Variants in KICS2 observed in about 807,000 individuals in gnomAD.
The protein encoded by KICS2 is KICSTOR subunit 2, also known as KICSTOR complex protein C12orf66.
A neutral mutation model predicts 31.4 loss-of-function variants in KICS2; 13 were observed. That is an observed-to-expected ratio of 0.41 (90% CI 0.27 to 0.66). KICS2 has a LOEUF of 0.66. Ranked by LOEUF, KICS2 falls within the 30% of genes least tolerant of loss-of-function variation. The pLI is 0.28. For synonymous variants in KICS2, 209 were observed against 214.8 expected (o/e 0.97, Z 0.24); for missense variants, 455 against 545.4 (o/e 0.83, Z 1.65).
chr12:64,203,691 G>T (rs1041659418), intron 2 of KICS2, among the ~76,000 whole-genome samples: 3 of 151,826 alleles, frequency 2.0e-5, no homozygotes, highest in African/African-American at 7.3e-5. Flanking sequence ...AGTGTATCTA[G>T]AATTTTTAAA....
chr12:64,213,163 C>T (rs2037599482), intron 2 of KICS2, among the ~76,000 whole-genome samples: 1 of 151,666 alleles, frequency 6.6e-6, no homozygotes, highest in South Asian at 2.1e-4. Context: ...CCATCTTATG[C>T]TCAGAAAGAC....
rs560644868 is a variant in KICS2 at position 64,207,359 on chromosome 12, T to TA, written c.521+8318dup. Among the ~76,000 whole-genome samples, 902 of 150,556 alleles carry TA rather than the reference T, an allele frequency of 6.0e-3. 14 individuals carry two copies. Among genetic ancestry groups the TA allele is most frequent in the African/African-American group, 0.02 (838 of 40,972 alleles). On this transcript the variant is annotated intron_variant, in intron 2 of 2. Coordinates refer to ENST00000398055, the MANE Select transcript of KICS2 (RefSeq NM_152440.5). ...AAATTTGATATTATGTATTTTTTTT[T>TA]AACAAAATAAAAAAGCAGGGGGAAA...
In KICS2 at chr12:64,194,141, G is replaced by T; in HGVS notation, c.1039C>A (p.Pro347Thr). ...REAPKGVDQYPAVVSLPSDRP... is the reference protein window; with the variant it reads ...REAPKGVDQYTAVVSLPSDRP... ...TCGCTGGGCAGAGACACTACAGCTG[G>T]ATACTGGTCCACACCCTTGGGGGCC... is the stretch of plus-strand genomic sequence containing the variant. The change falls in exon 3 of 3, where the codon CCA becomes ACA. Residue 347 changes from proline (P) to threonine (T), a missense_variant. Pro to Thr is a conservative substitution (Grantham distance 38, BLOSUM62 -1). Transcript: ENST00000398055. 1.2e-6 allele frequency: 2 copies of T among 1,614,142 alleles called. No individual in the cohort carries two copies. Among genetic ancestry groups the T allele is most frequent in the Non-Finnish European group, 1.7e-6 (2 of 1,180,036 alleles).
intron 2 of KICS2, among the ~76,000 whole-genome samples, chr12:64,205,604 G>GGGAAAAGGGAAGGAAGGAA (rs1555181662): frequency 7.8e-6 from 1 of 128,512 alleles, no homozygotes. Flanking sequence ...AAGGAAAGGA[G>GGGAAAAGGGAAGGAAGGAA]GGAAAAAGGG....
intron 2 of KICS2, among the ~76,000 whole-genome samples, chr12:64,194,935 CA>C (rs1185021739): frequency 3.5e-5 from 2 of 57,062 alleles, no homozygotes; most frequent in East Asian, 2.2e-3. Flanking sequence ...AGCTACAATT[CA>C]TTTTTTTTTT....
chr12:64,213,049 C>T (rs2037597022), intron 2 of KICS2, among the ~76,000 whole-genome samples: 1 of 146,568 alleles, frequency 6.8e-6, no homozygotes, highest in Non-Finnish European at 1.5e-5. Context: ...GAGATCATGT[C>T]ACTGCACTCC....
chr12:64,211,208 A>G (rs1402898627), intron 2 of KICS2, among the ~76,000 whole-genome samples: 1 of 152,230 alleles, frequency 6.6e-6, no homozygotes, highest in African/African-American at 2.4e-5. Context: ...AAACATATTA[A>G]TCAGATTGGA....
chr12:64,194,027 A>T lies in KICS2; in HGVS notation c.1153T>A (p.Tyr385Asn). ...LNSLEKVVHF[Y>N]DDKVQSTYFL... ...TAGGTACTCTGAACTTTGTCATCAT[A>T]GAAGTGGACCACTTTCTCCAAGCTG... Residue 385 changes from tyrosine (Y) to asparagine (N), a missense_variant, in exon 3 of 3, where the codon TAT becomes AAT. Physicochemically the swap from Tyr to Asn is moderately radical, Grantham distance 143 (BLOSUM62 -2). Coordinates refer to ENST00000398055, the MANE Select transcript of KICS2 (RefSeq NM_152440.5). The T allele has an allele frequency of 6.2e-7, 1 of 1,614,222 alleles. No individual in the cohort carries two copies. The highest frequency in any genetic ancestry group is 8.5e-7 in the Non-Finnish European group (1 of 1,180,052).
intron 2 of KICS2, among the ~76,000 whole-genome samples, chr12:64,214,339 G>A (rs191211301): frequency 6.6e-5 from 10 of 152,280 alleles, no homozygotes; most frequent in African/African-American, 2.4e-4. Flanking sequence ...AACTTCAGAT[G>A]GCAATAAATC....
rs756551300 is a variant in KICS2, at chr12:64,222,275, C to T, written c.-38G>A. 8 of 1,603,700 alleles carry T rather than the reference C, an allele frequency of 5.0e-6. No homozygotes were observed. In the South Asian group the frequency reaches 5.6e-5, roughly 11 times the overall value. On this transcript the variant is annotated 5_prime_UTR_variant, in exon 1 of 3. Coordinates refer to ENST00000398055, the MANE Select transcript of KICS2 (RefSeq NM_152440.5). ...CCAGCTCGACCCACGTGGCTCTCCTCGGCCTCGCACTTCCGGGTTCTGAGG... is the reference window on the plus strand; with the variant it reads ...CCAGCTCGACCCACGTGGCTCTCCTTGGCCTCGCACTTCCGGGTTCTGAGG...
At chr12:64,188,207 G>A (rs2647911), downstream of KICS2, among the ~76,000 whole-genome samples, 97,483 of 152,154 alleles carry the variant, frequency 0.64, 31,504 homozygotes, top group African/African-American at 0.72. Flanking sequence ...CAGAAGCTAT[G>A]AGAAAGAAAT....
chr12:64,193,831 C>T lies in KICS2; in HGVS notation c.*11G>A, dbSNP rs1228626655. On this transcript the variant is annotated 3_prime_UTR_variant, in exon 3 of 3. Coordinates refer to ENST00000398055, the MANE Select transcript of KICS2 (RefSeq NM_152440.5). ...TTTCTAGTCTTGAAACCCCTCCACG[C>T]AAATCACCTGCTAACCTTTGGCTCC... 1 of 1,605,528 alleles carries T rather than the reference C, an allele frequency of 6.2e-7. No homozygotes were observed. The highest frequency in any genetic ancestry group is 2.2e-5 in the East Asian group (1 of 44,810).
At chr12:64,211,096 A>G (rs1267688341) in intron 2 of KICS2, among the ~76,000 whole-genome samples, 1 of 152,174 alleles carries the variant, frequency 6.6e-6, no homozygotes, top group Non-Finnish European at 1.5e-5. Context: ...CCACTTTTAC[A>G]TTAGTGTTTG....
chr12:64,193,695 A>G lies in KICS2; in HGVS notation c.*147T>C. The G allele has an allele frequency of 7.0e-7, 1 of 1,438,500 alleles. No individual in the cohort carries two copies. The allele number at this position is 1,438,500 out of a possible 1,614,324, so 89.1% of individuals were successfully genotyped here. A position where few individuals can be genotyped will look rare whatever the true frequency, so the allele number is the denominator to read the frequency against. On this transcript the variant is annotated 3_prime_UTR_variant, in exon 3 of 3. Coordinates refer to ENST00000398055, the MANE Select transcript of KICS2 (RefSeq NM_152440.5). ...AATTCAATTGGCCTTAATTGCTTAT[A>G]AAGTGTGCAACACAGGGAGGATTTG...
chr12:64,197,023 T>G, intron 2 of KICS2, among the ~76,000 whole-genome samples: 1 of 116,896 alleles, frequency 8.6e-6, no homozygotes, highest in African/African-American at 3.4e-5. Context: ...TGGAAAACAC[T>G]CTGCAGGATA....
chr12:64,215,922 T>C lies in KICS2; in HGVS notation c.277A>G (p.Ile93Val), dbSNP rs1277961501. ...FFSRKDSIRT[I>V]YTSLHNELKK... is the part of the protein sequence containing the mutation. ...AGCTCATTATGCAATGAAGTATAGA[T>C]GGTGCGGATGGAATCCTTCCTGCTG... is the stretch of plus-strand genomic sequence containing the variant. Residue 93 changes from isoleucine to valine, a missense_variant, in exon 2 of 3, where the codon ATC becomes GTC. Ile to Val is a conservative substitution (Grantham distance 29, BLOSUM62 3). Coordinates refer to ENST00000398055, the MANE Select transcript of KICS2 (RefSeq NM_152440.5). 5 of 1,613,690 alleles carry C rather than the reference T, an allele frequency of 3.1e-6. No individual in the cohort carries two copies. Among genetic ancestry groups the C allele is most frequent in the Non-Finnish European group, 4.2e-6 (5 of 1,179,808 alleles).
intron 2 of KICS2, among the ~76,000 whole-genome samples, chr12:64,201,605 T>TAAA (rs531373424): frequency 2.1e-4 from 24 of 115,644 alleles, no homozygotes; most frequent in African/African-American, 5.0e-4. Flanking sequence ...TAAAGTATAA[T>TAAA]AAAAAAAAAA....
intron 1 of KICS2, among the ~76,000 whole-genome samples, chr12:64,218,277 A>G (rs1260016879): frequency 6.6e-6 from 1 of 152,236 alleles, no homozygotes; most frequent in African/African-American, 2.4e-5. Flanking sequence ...TAGGAGGGTA[A>G]TAAGAGTATC....
downstream of KICS2, among the ~76,000 whole-genome samples, chr12:64,190,423 C>T (rs2037369978): frequency 6.6e-6 from 1 of 151,380 alleles, no homozygotes; most frequent in African/African-American, 2.5e-5. Context: ...GGACATTCAC[C>T]TGAAGGAATT....
Sources: allele counts gnomAD v4.1 joint callset (sites outside exome capture counted in the v4.1 genomes callset), GRCh38; gene constraint gnomAD v4.1.1; transcripts MANE v1.5; gene names NCBI Gene and HGNC (gene_info 2026-07-23, HGNC 2026-07-21).